Variants in DGCR2 observed in about 807,000 individuals in gnomAD.
DGCR2 encodes integral membrane protein DGCR2/IDD.
DGCR2 carries 24 observed loss-of-function variants against 51.6 expected under a neutral mutation model. The observed-to-expected ratio is 0.47, with a 90% CI of 0.34 to 0.65. DGCR2 has a LOEUF of 0.65. DGCR2 is among the 30% of genes least tolerant of loss of function. DGCR2 has a pLI of 0.01. For missense variants in DGCR2, 765 were observed against 772.1 expected (o/e 0.99, Z 0.11); for synonymous variants, 340 against 315.4 (o/e 1.08, Z -0.82).
At chr22:19,087,647 G>A (rs1326255582) in intron 2 of DGCR2, among the ~76,000 whole-genome samples, 1 of 150,866 alleles carries the variant, frequency 6.6e-6, no homozygotes, top group Non-Finnish European at 1.5e-5. Flanking sequence ...CAAAAGTGTT[G>A]GGATTATAAG....
At chr22:19,074,030 A>AG (rs2082846012) in intron 2 of DGCR2, among the ~76,000 whole-genome samples, 1 of 152,150 alleles carries the variant, frequency 6.6e-6, no homozygotes, top group African/African-American at 2.4e-5. Flanking sequence ...TCTGTAACTG[A>AG]GGGGACATCA....
chr22:19,050,642 T>G (rs1007078767), intron 6 of DGCR2, among the ~76,000 whole-genome samples: 4 of 152,256 alleles, frequency 2.6e-5, no homozygotes, highest in African/African-American at 9.6e-5. Flanking sequence ...GTATGGAATG[T>G]AGTATTGGGT....
At chr22:19,093,926 A>G (rs890514069) in intron 1 of DGCR2, among the ~76,000 whole-genome samples, 3 of 151,968 alleles carry the variant, frequency 2.0e-5, no homozygotes, top group Admixed American at 1.3e-4. Context: ...GGACTGCCTA[A>G]GCCTAGGAGT....
chr22:19,062,779 A>ATTCTCTCTCTCTCTCTCTCTCTCTCT, intron 5 of DGCR2, among the ~76,000 whole-genome samples: 3 of 127,354 alleles, frequency 2.4e-5, no homozygotes, highest in Admixed American at 7.8e-5. Context: ...ATGCATGCTC[A>ATTCTCTCTCTCTCTCTCTCTCTCTCT]CTCTCTCTCT....
chr22:19,063,469 G>A (rs1009326987), intron 4 of DGCR2, among the ~76,000 whole-genome samples, 191 bp from the exon 5 acceptor site: 3 of 151,934 alleles, frequency 2.0e-5, no homozygotes, highest in Non-Finnish European at 4.4e-5. Context: ...CTCCCGAGTA[G>A]GTGGGATTAC....
chr22:19,068,324 G>A (rs143812601), intron 2 of DGCR2, 99 bp from the exon 3 acceptor site: 56 of 1,355,738 alleles, frequency 4.1e-5, no homozygotes, highest in East Asian at 1.7e-4. Context: ...AAGGCCGGAG[G>A]GGGGGCCTGT....
intron 4 of DGCR2, 47 bp downstream of exon 4, chr22:19,064,801 C>A: frequency 1.3e-6 from 2 of 1,568,506 alleles, no homozygotes; most frequent in South Asian, 1.1e-5. Context: ...GCTCAGTAGT[C>A]ATCAGACTCT....
intron 5 of DGCR2, among the ~76,000 whole-genome samples, chr22:19,062,783 T>TC (rs1317087431): frequency 7.2e-6 from 1 of 139,456 alleles, no homozygotes; most frequent in Non-Finnish European, 1.6e-5. Flanking sequence ...ATGCTCACTC[T>TC]CTCTCTCTCT....
At chr22:19,064,579 C>T (rs147377183) in intron 4 of DGCR2, among the ~76,000 whole-genome samples, 1 of 152,290 alleles carries the variant, frequency 6.6e-6, no homozygotes, top group African/African-American at 2.4e-5. Context: ...TGCACTTGTA[C>T]AAGGAGAGGG....
intron 6 of DGCR2, among the ~76,000 whole-genome samples, chr22:19,050,611 A>T (rs2082538344): frequency 2.0e-5 from 3 of 152,242 alleles, no homozygotes; most frequent in Non-Finnish European, 4.4e-5. Context: ...TGATTTAAAA[A>T]GCAATTGTAT....
intron 5 of DGCR2, among the ~76,000 whole-genome samples, chr22:19,062,779 A>ATTCTCATTCATTCTCTCT: frequency 7.9e-6 from 1 of 127,354 alleles, no homozygotes; most frequent in Non-Finnish European, 1.8e-5. Context: ...ATGCATGCTC[A>ATTCTCATTCATTCTCTCT]CTCTCTCTCT....
intron 2 of DGCR2, among the ~76,000 whole-genome samples, chr22:19,088,640 G>A (rs566305984): frequency 6.6e-6 from 1 of 152,152 alleles, no homozygotes; most frequent in Non-Finnish European, 1.5e-5. Flanking sequence ...CCCCTTAGTG[G>A]CTTTATCAGC....
intron 5 of DGCR2, among the ~76,000 whole-genome samples, chr22:19,062,128 G>A (rs542210446): frequency 2.6e-4 from 40 of 152,316 alleles, no homozygotes; most frequent in African/African-American, 9.1e-4. Flanking sequence ...TCTGGGGCCT[G>A]GAAACCCAGA....
At chr22:19,083,863 C>T (rs995632729) in intron 2 of DGCR2, among the ~76,000 whole-genome samples, 6 of 151,628 alleles carry the variant, frequency 4.0e-5, no homozygotes, top group Admixed American at 2.6e-4. Context: ...CGATTGCAGG[C>T]GCGCGCCGCC....
At chr22:19,105,249 G>T (rs1407851578) in intron 1 of DGCR2, among the ~76,000 whole-genome samples, 1 of 152,170 alleles carries the variant, frequency 6.6e-6, no homozygotes, top group Non-Finnish European at 1.5e-5. Flanking sequence ...GCTTGAACCT[G>T]GGAGGCAGAG....
At chr22:19,114,024 A>C (rs1231811805) in intron 1 of DGCR2, among the ~76,000 whole-genome samples, 1 of 145,620 alleles carries the variant, frequency 6.9e-6, no homozygotes, top group Non-Finnish European at 1.5e-5. Flanking sequence ...GCACCACTGC[A>C]CTCCAGCCTG....
At chr22:19,072,767 G>A (rs771501855) in intron 2 of DGCR2, among the ~76,000 whole-genome samples, 104 of 152,224 alleles carry the variant, frequency 6.8e-4, no homozygotes, top group Middle Eastern at 6.8e-3. Flanking sequence ...CCAACTACTC[G>A]GGAGGCTGAA....
Position 19,122,412 on chromosome 22 carries a change from T to C in DGCR2, c.-206A>G, listed in dbSNP as rs1445024757. 7.6e-6 allele frequency: 3 copies of C among 395,850 alleles called. No individual in the cohort carries two copies. The highest frequency in any genetic ancestry group is 1.4e-5 in the Non-Finnish European group (3 of 222,034). 24.5% of individuals were successfully genotyped at this position (395,850 alleles called of 1,614,324 possible). A position where few individuals can be genotyped will look rare whatever the true frequency, so the allele number is the denominator to read the frequency against. On this transcript the variant is annotated 5_prime_UTR_variant, in exon 1 of 10. Transcript: ENST00000263196. ...GCACCGACTCCAGCTGCGCGCAAGA[T>C]GGCGGCCGTCCTGCTCGGCTCCGCG...
At position 19,122,288 on chromosome 22, in the gene DGCR2, G is replaced by T; in HGVS notation, c.-82C>A. The T allele has an allele frequency of 8.2e-7, 1 of 1,215,270 alleles. No homozygotes were observed. Among genetic ancestry groups the T allele is most frequent in the Non-Finnish European group, 1.1e-6 (1 of 902,166 alleles). The allele number at this position is 1,215,270 out of a possible 1,614,324, so 75.3% of individuals were successfully genotyped here. A position where few individuals can be genotyped will look rare whatever the true frequency, so the allele number is the denominator to read the frequency against. On this transcript the variant is annotated 5_prime_UTR_variant, in exon 1 of 10. Coordinates refer to ENST00000263196, the MANE Select transcript of DGCR2 (RefSeq NM_005137.3). Reference sequence around the variant, plus strand: ...GGGTCAGGGGACCGTGCCAAGCGGAGGGTCAGGCGGAGCTGAACCTGGGCG... The same window carrying T: ...GGGTCAGGGGACCGTGCCAAGCGGATGGTCAGGCGGAGCTGAACCTGGGCG...
Sources: gnomAD v4.1 joint callset for allele counts (sites outside exome capture counted in the v4.1 genomes callset) on GRCh38, gnomAD v4.1.1 for gene constraint, MANE v1.5 for transcripts, NCBI Gene and HGNC (gene_info 2026-07-23, HGNC 2026-07-21) for gene names.